TEX11: variants seen among roughly 807,000 people sequenced by gnomAD.
TEX11 encodes testis expressed 11, also known as testis-expressed protein 11.
A neutral mutation model predicts 84.4 loss-of-function variants in TEX11; 7 were observed. The ratio of observed to expected loss-of-function variants is 0.08; its 90% CI spans 0.05 to 0.16. TEX11 has a LOEUF of 0.16. Among genes scored for constraint, TEX11 ranks in the 10% least tolerant of loss-of-function variants. TEX11 has a pLI of 1.00. For missense variants in TEX11, 551 were observed against 660.5 expected (o/e 0.83, Z 1.82); for synonymous variants, 264 against 222.8 (o/e 1.18, Z -1.64).
At chrX:70,520,477 A>G in the TEX11 span, among the ~76,000 whole-genome samples, 1 of 112,294 alleles carries the variant, frequency 8.9e-6, no homozygotes. Context: ...ATTGCAGAAC[A>G]GCAAATATTG....
rs764260407 is a variant in TEX11, at chrX:70,591,724, T to C, written c.2140+27A>G. 1.0e-5 allele frequency: 12 copies of C among 1,142,961 alleles called. No homozygotes were observed. The Admixed American group carries it at 2.5e-4, about 24-fold the overall frequency. The allele number at this position is 1,142,961 out of a possible 1,213,427, so 94.2% of individuals were successfully genotyped here. On this transcript the variant is annotated intron_variant, in intron 25 of 29. Transcript: ENST00000374333. ...GATTCTAAGCTCCTTTCAAACTGTGTTACCAAACTTCCAGTTCCTACTGTA... is the reference window on the plus strand; with the variant it reads ...GATTCTAAGCTCCTTTCAAACTGTGCTACCAAACTTCCAGTTCCTACTGTA...
intron 11 of TEX11, among the ~76,000 whole-genome samples, chrX:70,728,302 G>C (rs2090615265): frequency 8.9e-6 from 1 of 112,465 alleles, no homozygotes; most frequent in Non-Finnish European, 1.9e-5. Flanking sequence ...ACTGGGGAGT[G>C]TTGGATAGTG....
At chrX:70,571,294 C>A (rs2088594815) in intron 25 of TEX11, among the ~76,000 whole-genome samples, 1 of 112,243 alleles carries the variant, frequency 8.9e-6, no homozygotes, top group African/African-American at 3.2e-5. Flanking sequence ...GCTGGGATTA[C>A]AGGCATGAGC....
intron 28 of TEX11, among the ~76,000 whole-genome samples, chrX:70,550,114 C>A (rs1436395168): frequency 8.9e-6 from 1 of 112,472 alleles, no homozygotes; most frequent in East Asian, 2.8e-4. Flanking sequence ...TCATTTTTGA[C>A]AAAGGTGCCA....
intron 13 of TEX11, 121 bp from the exon 14 acceptor site, chrX:70,682,946 T>A: frequency 1.7e-6 from 1 of 599,973 alleles, no homozygotes; most frequent in Non-Finnish European, 2.5e-6. Flanking sequence ...TGAACTCAGG[T>A]AATGTTATTA....
intron 2 of TEX11, among the ~76,000 whole-genome samples, chrX:70,889,562 T>G (rs1283208847): frequency 1.8e-5 from 2 of 111,295 alleles, no homozygotes; most frequent in Non-Finnish European, 3.8e-5. Context: ...AATGAACCAA[T>G]GAAAAATAAC....
chrX:70,856,181 G>A (rs2147854861), intron 5 of TEX11, among the ~76,000 whole-genome samples: 1 of 111,349 alleles, frequency 9.0e-6, no homozygotes, highest in East Asian at 2.8e-4. Flanking sequence ...TTGAAATACA[G>A]CTATTAAAAA....
intron 9 of TEX11, among the ~76,000 whole-genome samples, chrX:70,801,959 G>A (rs1294532442): frequency 1.8e-5 from 2 of 111,059 alleles, no homozygotes; most frequent in Admixed American, 1.9e-4. Context: ...AAGAATCCAG[G>A]CAATGATCAC....
chrX:70,887,891 G>A (rs1230821939), intron 2 of TEX11, among the ~76,000 whole-genome samples: 1 of 112,138 alleles, frequency 8.9e-6, no homozygotes, highest in Admixed American at 9.4e-5. Context: ...AGAACAGAGA[G>A]GGAGACTCTG....
intron 9 of TEX11, among the ~76,000 whole-genome samples, chrX:70,750,927 A>ATATAT (rs1556039261): frequency 7.8e-5 from 2 of 25,799 alleles, no homozygotes; most frequent in African/African-American, 1.9e-4. Flanking sequence ...ATAATAAAAA[A>ATATAT]AAAAAAATAT....
chrX:70,820,142 C>T (rs971998802), intron 8 of TEX11, among the ~76,000 whole-genome samples: 1 of 111,886 alleles, frequency 8.9e-6, no homozygotes, highest in Non-Finnish European at 1.9e-5. Flanking sequence ...AACCCAGGAG[C>T]ATCATGCTTC....
In TEX11 at chrX:70,559,267, C is replaced by T. The variant is rs568607547; in HGVS notation, c.2141-4467G>A. 4.5e-5 allele frequency among the ~76,000 whole-genome samples: 5 copies of T among 112,303 alleles called. No homozygotes were observed. The South Asian group carries it at 1.5e-3, about 33-fold the overall frequency. On this transcript the variant is annotated intron_variant, in intron 25 of 29. Transcript: ENST00000374333. ...GTAATGAAGTACTGACATGCCACAACATGAATGAACTTCAAAAATATGCTA... is the reference window on the plus strand; with the variant it reads ...GTAATGAAGTACTGACATGCCACAATATGAATGAACTTCAAAAATATGCTA...
At position 70,826,128 on chromosome X, in the gene TEX11, A is replaced by AC. The variant is rs200478695; in HGVS notation, c.606+7384dup. ...AGATCAGCCTGACCAACATAATGAAACCCCCCCAACGTCTCTACTAAAAAT... is the reference window on the plus strand; with the variant it reads ...AGATCAGCCTGACCAACATAATGAAACCCCCCCCAACGTCTCTACTAAAAAT... On this transcript the variant is annotated intron_variant, in intron 8 of 29. Transcript: ENST00000374333. 4.6e-3 allele frequency among the ~76,000 whole-genome samples: 498 copies of AC among 108,328 alleles called. 2 individuals carry two copies. The highest frequency in any genetic ancestry group is 0.01 in the Admixed American group (103 of 10,056). 94.1% of individuals were successfully genotyped at this position (108,328 alleles called of 115,157 possible). A position where few individuals can be genotyped will look rare whatever the true frequency, so the allele number is the denominator to read the frequency against.
chrX:70,710,316 T>G (rs1053630262), intron 13 of TEX11, among the ~76,000 whole-genome samples: 2 of 111,767 alleles, frequency 1.8e-5, no homozygotes, highest in African/African-American at 6.5e-5. Context: ...AGTCATAGCA[T>G]GTTTGTAGAA....
intron 13 of TEX11, among the ~76,000 whole-genome samples, chrX:70,712,127 C>G (rs1317036525): frequency 5.4e-5 from 6 of 111,212 alleles, no homozygotes; most frequent in Non-Finnish European, 9.4e-5. Context: ...TCTGAGGGCT[C>G]TGTTCTTTTC....
At chrX:70,657,560 G>A (rs1430151665) in intron 16 of TEX11, among the ~76,000 whole-genome samples, 2 of 108,910 alleles carry the variant, frequency 1.8e-5, no homozygotes, top group African/African-American at 6.7e-5. Context: ...AATCATAACC[G>A]ACTATTTAAA....
At chrX:70,895,552 C>A (rs983657166) in intron 2 of TEX11, among the ~76,000 whole-genome samples, 4 of 111,873 alleles carry the variant, frequency 3.6e-5, no homozygotes, top group African/African-American at 1.3e-4. Context: ...AAAAAAGAGC[C>A]TGTATAGCCA....
At chrX:70,804,873 T>C (rs957862741) in intron 9 of TEX11, among the ~76,000 whole-genome samples, 1 of 110,576 alleles carries the variant, frequency 9.0e-6, no homozygotes, top group Non-Finnish European at 1.9e-5. Flanking sequence ...CTAGAGAACA[T>C]TTATTTTTAT....
chrX:70,777,447 G>A (rs936241451), intron 9 of TEX11, among the ~76,000 whole-genome samples: 7 of 111,142 alleles, frequency 6.3e-5, no homozygotes, highest in African/African-American at 2.3e-4. Flanking sequence ...TCAGGAGTTC[G>A]AGACCAGCCT....
Sources: allele counts gnomAD v4.1 joint callset (sites outside exome capture counted in the v4.1 genomes callset), GRCh38; gene constraint gnomAD v4.1.1; transcripts MANE v1.5; gene names NCBI Gene and HGNC (gene_info 2026-07-23, HGNC 2026-07-21).